CDC40: variants seen among roughly 807,000 people sequenced by gnomAD.
The protein encoded by CDC40 is pre-mRNA-processing factor 17.
CDC40 carries 27 observed loss-of-function variants against 80.6 expected under a neutral mutation model. The ratio of observed to expected loss-of-function variants is 0.33; its 90% confidence interval spans 0.25 to 0.46. The LOEUF is 0.46. Ranked by LOEUF, CDC40 falls within the 20% of genes least tolerant of loss-of-function variation. CDC40 has a pLI of 1.00. For synonymous variants in CDC40, 221 were observed against 232.6 expected, an observed-to-expected ratio of 0.95 and a Z score of 0.45; for missense variants, 486 against 694.1, an observed-to-expected ratio of 0.70 and a Z score of 3.37.
At chr6:110,188,646 T>G (rs544497630) in intron 1 of CDC40, among the ~76,000 whole-genome samples, 1 of 152,274 alleles carries the variant, frequency 6.6e-6, no homozygotes, top group East Asian at 1.9e-4. Flanking sequence ...GGTGTATCTG[T>G]TGGGCTCAGC....
At chr6:110,211,951 A>G (rs770151564) in intron 6 of CDC40, 182 bp from the exon 7 acceptor site, 126 of 559,042 alleles carry the variant, frequency 2.3e-4, no homozygotes, top group Non-Finnish European at 3.7e-4. Context: ...GTTGTAAATG[A>G]TAGCAGTTAT....
intron 1 of CDC40, among the ~76,000 whole-genome samples, chr6:110,181,083 C>T (rs1777181435): frequency 1.3e-5 from 2 of 152,180 alleles, no homozygotes; most frequent in Non-Finnish European, 2.9e-5. Flanking sequence ...CTTTCCTCAC[C>T]TGTACAGTGG....
intron 9 of CDC40, 140 bp from the exon 10 acceptor site, chr6:110,217,562 A>C: frequency 1.7e-6 from 1 of 602,544 alleles, no homozygotes; most frequent in East Asian, 3.1e-5. Flanking sequence ...TCAGTAAATC[A>C]GGCGGTGGCA....
chr6:110,195,699 T>C (rs989472365), intron 2 of CDC40, among the ~76,000 whole-genome samples: 5 of 152,272 alleles, frequency 3.3e-5, no homozygotes, highest in African/African-American at 1.2e-4. Flanking sequence ...GGTGGCTAGG[T>C]AGGCTTTTAT....
At chr6:110,217,488 G>A (rs527974260) in intron 9 of CDC40, among the ~76,000 whole-genome samples, 102 of 152,248 alleles carry the variant, frequency 6.7e-4, no homozygotes, top group Middle Eastern at 3.4e-3. Flanking sequence ...AGAATCACCT[G>A]AGGAGCTTCT....
At chr6:110,199,519 G>A (rs1052490735) in intron 2 of CDC40, among the ~76,000 whole-genome samples, 12 of 151,740 alleles carry the variant, frequency 7.9e-5, no homozygotes, top group African/African-American at 1.5e-4. Flanking sequence ...GTGTGAACCC[G>A]GGAGGCAGAG....
In CDC40 at chr6:110,232,065, C is replaced by T. The variant is rs978301820; in HGVS notation, c.*1934C>T. ...GGACAAAAAGAATCATACATTTAAA[C>T]TGTCTTGTTCAGCATACCAATATTG... On this transcript the variant is annotated 3_prime_UTR_variant, in exon 15 of 15. Transcript: ENST00000307731. 6.6e-6 allele frequency: 1 copy of T among 150,782 alleles called. No homozygotes were observed. The highest frequency in any genetic ancestry group is 1.5e-5 in the Non-Finnish European group (1 of 67,752). 9.3% of individuals were successfully genotyped at this position (150,782 alleles called of 1,614,324 possible).
Position 110,209,074 on chromosome 6 carries a change from G to A in CDC40, c.491-10G>A. On this transcript the variant is annotated splice_polypyrimidine_tract_variant and intron_variant, in intron 4 of 14. Coordinates refer to ENST00000307731, the MANE Select transcript of CDC40 (RefSeq NM_015891.3). ...CAGTTTTTTTTTTAATTTTTTTTTT[G>A]TTAACGTAGGTTTAACTGTATTTGA... is the stretch of plus-strand genomic sequence containing the variant. 1 of 1,276,982 alleles carries A rather than the reference G, an allele frequency of 7.8e-7. No homozygotes were observed. The highest frequency in any genetic ancestry group is 1.0e-6 in the Non-Finnish European group (1 of 967,632). The allele number at this position is 1,276,982 out of a possible 1,614,324, so 79.1% of individuals were successfully genotyped here. A position where few individuals can be genotyped will look rare whatever the true frequency, so the allele number is the denominator to read the frequency against.
chr6:110,200,758 G>T (rs75491446), intron 2 of CDC40, among the ~76,000 whole-genome samples: 11,247 of 152,092 alleles, frequency 0.074, 443 homozygotes, highest in Non-Finnish European at 0.085. Flanking sequence ...GCCTTTGGGG[G>T]TTTTTTCTTC....
chr6:110,226,369 G>C, intron 13 of CDC40, 126 bp downstream of exon 13: 3 of 515,786 alleles, frequency 5.8e-6, no homozygotes, highest in Non-Finnish European at 1.0e-5. Context: ...TTTGTATAAG[G>C]TAATCTTTAC....
At chr6:110,226,123 T>A (rs1777856244) in intron 12 of CDC40, 44 bp from the exon 13 acceptor site, 2 of 1,034,276 alleles carry the variant, frequency 1.9e-6, no homozygotes, top group South Asian at 1.3e-5. Context: ...CTGAAGGTAC[T>A]TTTTAAAAGT....
chr6:110,221,695 A>C (rs1307063647), intron 12 of CDC40, among the ~76,000 whole-genome samples: 1 of 152,208 alleles, frequency 6.6e-6, no homozygotes, highest in Non-Finnish European at 1.5e-5. Context: ...TGATGTTTCT[A>C]CCTTCAGATA....
At chr6:110,219,091 A>G (rs1000892196) in intron 10 of CDC40, among the ~76,000 whole-genome samples, 1 of 152,172 alleles carries the variant, frequency 6.6e-6, no homozygotes, top group African/African-American at 2.4e-5. Flanking sequence ...TTGTACCAGT[A>G]GTTTGTTCTT....
chr6:110,185,304 G>A (rs7740923), intron 1 of CDC40, among the ~76,000 whole-genome samples: 2,668 of 144,358 alleles, frequency 0.018, 85 homozygotes, highest in African/African-American at 0.066. Flanking sequence ...GTGCAGTGGC[G>A]GGATCTCGGC....
chr6:110,193,126 C>T (rs1584063676), intron 1 of CDC40, 56 bp from the exon 2 acceptor site: 15 of 1,081,446 alleles, frequency 1.4e-5, no homozygotes. Context: ...AATGTGGCTT[C>T]TAAAATAAAA....
chr6:110,190,686 G>C (rs780882265), intron 1 of CDC40, among the ~76,000 whole-genome samples: 2 of 152,156 alleles, frequency 1.3e-5, no homozygotes, highest in African/African-American at 4.8e-5. Flanking sequence ...CCTGGTTGTA[G>C]TAGGACACCT....
At chr6:110,227,792 G>C (rs537640923) in intron 13 of CDC40, among the ~76,000 whole-genome samples, 16 of 152,196 alleles carry the variant, frequency 1.1e-4, no homozygotes, top group Admixed American at 3.3e-4. Context: ...GTATACAGGA[G>C]ATATGTAGGT....
chr6:110,198,016 A>G (rs891594071), intron 2 of CDC40, among the ~76,000 whole-genome samples: 1 of 152,174 alleles, frequency 6.6e-6, no homozygotes, highest in African/African-American at 2.4e-5. Context: ...TCCCACCAAC[A>G]GTATACAAGT....
At chr6:110,206,441 CCAAA>C (rs1299875806) in intron 3 of CDC40, among the ~76,000 whole-genome samples, 6 of 152,266 alleles carry the variant, frequency 3.9e-5, no homozygotes, top group South Asian at 4.1e-4. Context: ...ACTAATGTTA[CCAAA>C]CATTTACTGT....
Sources: gnomAD v4.1 joint callset for allele counts (sites outside exome capture counted in the v4.1 genomes callset) on GRCh38, gnomAD v4.1.1 for gene constraint, MANE v1.5 for transcripts, NCBI Gene and HGNC (gene_info 2026-07-23, HGNC 2026-07-21) for gene names.